The following BRD4 variants were observed in gnomAD, a reference collection of about 807,000 sequenced individuals.
BRD4 encodes the protein bromodomain-containing protein 4.
Under a neutral mutation model 142.1 loss-of-function variants are expected in BRD4, and 16 were observed. The ratio of observed to expected loss-of-function variants is 0.11; its 90% CI spans 0.08 to 0.17. The LOEUF is 0.17. Ranked by LOEUF, BRD4 falls within the 10% of genes least tolerant of loss-of-function variation. The pLI is 1.00. For synonymous variants in BRD4, 833 were observed against 707.5 expected (o/e 1.18, Z -2.82); for missense variants, 1,424 against 1,810.9 (o/e 0.79, Z 3.88).
chr19:15,330,241 C>T (rs533376661), intron 1 of BRD4, among the ~76,000 whole-genome samples: 1 of 152,280 alleles, frequency 6.6e-6, no homozygotes, highest in African/African-American at 2.4e-5. Context: ...CTTTAAGATA[C>T]TATGTTTCCT....
At chr19:15,242,730 A>C (rs1383399832) in intron 14 of BRD4, among the ~76,000 whole-genome samples, 170 bp downstream of exon 14, 2 of 152,046 alleles carry the variant, frequency 1.3e-5, no homozygotes, top group African/African-American at 2.4e-5. Flanking sequence ...ACACCTGATA[A>C]ACACACACTG....
Position 15,254,275 on chromosome 19 carries a change from C to A in BRD4, c.2048-13G>T, listed in dbSNP as rs576573433. On this transcript the variant is annotated splice_polypyrimidine_tract_variant and intron_variant, in intron 10 of 19. Coordinates refer to ENST00000679869, the MANE Select transcript of BRD4 (RefSeq NM_001379291.1). ...TCAACTTTCTCAGCTGCAATCCAAG[C>A]AATGGGAGCTGGTCAGGCAGGGCTG... 22 of 1,609,312 alleles carry A rather than the reference C, an allele frequency of 1.4e-5. No homozygotes were observed. The East Asian group carries it at 3.6e-4, about 26-fold the overall frequency.
In BRD4 at chr19:15,264,789, C is replaced by A. The variant is rs1373926072; in HGVS notation, c.850-23G>T. Reference sequence around the variant, plus strand: ...TGTCTGCCAAGAACACGGACGCCAACAGGCACAGTCAGAAGTGGCAGCCGG... The same window carrying A: ...TGTCTGCCAAGAACACGGACGCCAAAAGGCACAGTCAGAAGTGGCAGCCGG... On this transcript the variant is annotated intron_variant, in intron 5 of 19. Transcript: ENST00000679869. The A allele has an allele frequency of 4.4e-6, 7 of 1,576,400 alleles. No individual in the cohort carries two copies. The African/African-American group carries it at 6.7e-5, about 15-fold the overall frequency.
At position 15,257,170 on chromosome 19, in the gene BRD4, C is replaced by A. The variant is rs1193840078; in HGVS notation, c.1345G>T (p.Val449Leu). 6.2e-7 allele frequency: 1 copy of A among 1,603,244 alleles called. No homozygotes were observed. Among genetic ancestry groups the A allele is most frequent in the Non-Finnish European group, 8.5e-7 (1 of 1,176,836 alleles). Reference sequence around the variant, plus strand: ...ATCTTGGCAAAGCGCATTTCGAACACATCCTGGTGAGGGAAAGACATGCTG... The same window carrying A: ...ATCTTGGCAAAGCGCATTTCGAACAAATCCTGGTGAGGGAAAGACATGCTG... ...VVAMARKLQDVFEMRFAKMPD... is the reference protein window; with the variant it reads ...VVAMARKLQDLFEMRFAKMPD... Residue 449 changes from valine to leucine, a missense_variant, in exon 8 of 20, where the codon GTG becomes TTG. By Grantham distance (32) the Val-to-Leu change is conservative. Around this residue, in one of 16 missense-constraint regions of BRD4, gnomAD observed 22 missense variants for 49.5 expected, o/e 0.44. Transcript: ENST00000679869.
At chr19:15,307,544 T>G (rs1477575967) in intron 1 of BRD4, among the ~76,000 whole-genome samples, 7 of 152,106 alleles carry the variant, frequency 4.6e-5, no homozygotes, top group African/African-American at 1.7e-4. Flanking sequence ...ATAAAACACA[T>G]CAGAGGTACA....
chr19:15,286,085 G>A (rs1464597630), intron 1 of BRD4, among the ~76,000 whole-genome samples: 1 of 152,218 alleles, frequency 6.6e-6, no homozygotes, highest in Non-Finnish European at 1.5e-5. Flanking sequence ...CCTCTCCTAA[G>A]TCCCAATACC....
At chr19:15,299,910 G>GT (rs1272750457) in intron 1 of BRD4, among the ~76,000 whole-genome samples, 1 of 152,180 alleles carries the variant, frequency 6.6e-6, no homozygotes, top group Non-Finnish European at 1.5e-5. Context: ...TACAGAGAGC[G>GT]TATGAAGAGC....
rs2145515387 is a variant in BRD4 at position 15,244,257 on chromosome 19, T to A, written c.2555A>T (p.Asn852Ile). Reference sequence around the variant, plus strand: ...TGGAGGAGAGACCACTGCGTGCTGGTTGAGATGGGGTGGAGTGCTGTGCTC... The same window carrying A: ...TGGAGGAGAGACCACTGCGTGCTGGATGAGATGGGGTGGAGTGCTGTGCTC... ...PPEHSTPPHL[N>I]QHAVVSPPAL... The change falls in exon 13 of 20, where the codon AAC becomes ATC. Residue 852 changes from asparagine (N) to isoleucine (I), a missense_variant. Transcript: ENST00000679869. 4 of 1,579,070 alleles carry A rather than the reference T, an allele frequency of 2.5e-6. No individual in the cohort carries two copies. Among genetic ancestry groups the A allele is most frequent in the Non-Finnish European group, 3.4e-6 (4 of 1,165,100 alleles).
intron 4 of BRD4, 115 bp downstream of exon 4, chr19:15,267,301 A>C: frequency 7.6e-7 from 1 of 1,317,296 alleles, no homozygotes; most frequent in Non-Finnish European, 1.1e-6. Context: ...AAACACCAAC[A>C]CGGCATGCAG....
intron 1 of BRD4, among the ~76,000 whole-genome samples, chr19:15,313,540 G>C (rs2047991737): frequency 6.6e-6 from 1 of 151,944 alleles, no homozygotes; most frequent in African/African-American, 2.4e-5. Context: ...GCCGGGCGTG[G>C]TGGTGGGTGC....
chr19:15,246,343 A>C (rs1417831447), intron 11 of BRD4, among the ~76,000 whole-genome samples: 2 of 152,096 alleles, frequency 1.3e-5, no homozygotes, highest in Non-Finnish European at 2.9e-5. Context: ...CCTGCACACT[A>C]GGGAACTGGG....
At chr19:15,279,013 G>C (rs970216026) in intron 1 of BRD4, among the ~76,000 whole-genome samples, 1 of 152,098 alleles carries the variant, frequency 6.6e-6, no homozygotes, top group Non-Finnish European at 1.5e-5. Context: ...GGCTAATTTT[G>C]TATTTTTAGT....
intron 14 of BRD4, among the ~76,000 whole-genome samples, chr19:15,240,396 C>G (rs2047229261): frequency 6.6e-6 from 1 of 152,190 alleles, no homozygotes; most frequent in Non-Finnish European, 1.5e-5. Context: ...TTGGCAGGGC[C>G]TGGGCCCTAA....
intron 1 of BRD4, among the ~76,000 whole-genome samples, chr19:15,328,890 C>T (rs886421929): frequency 7.9e-5 from 12 of 152,224 alleles, no homozygotes; most frequent in Non-Finnish European, 1.5e-4. Context: ...TCTCCTGCCT[C>T]AGCCTCCCGA....
At chr19:15,325,200 A>C (rs1409492381) in intron 1 of BRD4, among the ~76,000 whole-genome samples, 1 of 152,218 alleles carries the variant, frequency 6.6e-6, no homozygotes, top group Non-Finnish European at 1.5e-5. Context: ...AAGATGGGCC[A>C]ATGAAGCTCT....
intron 1 of BRD4, among the ~76,000 whole-genome samples, chr19:15,278,640 A>G (rs2047675954): frequency 6.6e-6 from 1 of 150,620 alleles, no homozygotes; most frequent in African/African-American, 2.4e-5. Context: ...AGTTGTTGAG[A>G]CATTGGTACT....
intron 1 of BRD4, among the ~76,000 whole-genome samples, chr19:15,283,239 G>C (rs1230705795): frequency 6.6e-6 from 1 of 152,100 alleles, no homozygotes; most frequent in Non-Finnish European, 1.5e-5. Flanking sequence ...AGGGCACGAA[G>C]AATTAAAATG....
At chr19:15,253,282 C>G in intron 11 of BRD4, 1 of 533,038 alleles carries the variant, frequency 1.9e-6, no homozygotes, top group East Asian at 3.2e-5. Flanking sequence ...GGCTCCCTCC[C>G]TAGCCTCTCC....
intron 7 of BRD4, among the ~76,000 whole-genome samples, chr19:15,262,426 A>C (rs2047481625): frequency 1.3e-5 from 2 of 150,702 alleles, no homozygotes; most frequent in Admixed American, 6.6e-5. Context: ...AAAGAAGATG[A>C]GTCTCTAATC....
Sources: gnomAD v4.1 joint callset for allele counts (sites outside exome capture counted in the v4.1 genomes callset) on GRCh38, gnomAD v4.1.1 for gene constraint, gnomAD v4.1.1 regional missense constraint, MANE v1.5 for transcripts, NCBI Gene and HGNC (gene_info 2026-07-23, HGNC 2026-07-21) for gene names.